PCDHA8: variants seen among roughly 807,000 people sequenced by gnomAD.
PCDHA8 encodes protocadherin alpha 8.
PCDHA8 carries 53 observed loss-of-function variants against 61.8 expected under a neutral mutation model. The observed-to-expected ratio is 0.86, with a 90% CI of 0.69 to 1.08. PCDHA8 has a LOEUF of 1.08. Among genes scored for constraint, PCDHA8 ranks in the 50% least tolerant of loss-of-function variants. The pLI, the probability that PCDHA8 is intolerant of heterozygous loss-of-function variation, is 0.00. For synonymous variants in PCDHA8, 618 were observed against 556.6 expected (o/e 1.11, Z -1.55); for missense variants, 1,293 against 1,245.0 (o/e 1.04, Z -0.58).
intron 1 of PCDHA8, among the ~76,000 whole-genome samples, chr5:140,964,622 T>A (rs1435749865): frequency 6.6e-6 from 1 of 152,048 alleles, no homozygotes; most frequent in African/African-American, 2.4e-5. Flanking sequence ...ATTCCACTTA[T>A]AAGCCATTTA....
intron 1 of PCDHA8, chr5:140,884,177 C>G (rs1405519238): frequency 1.9e-6 from 3 of 1,613,322 alleles, no homozygotes; most frequent in South Asian, 1.1e-5. Flanking sequence ...GACGCGCCCT[C>G]TGGACGAGGT....
intron 1 of PCDHA8, chr5:140,850,196 A>T: frequency 6.3e-7 from 1 of 1,592,830 alleles, no homozygotes; most frequent in Non-Finnish European, 8.6e-7. Flanking sequence ...CGCTGCTGAC[A>T]CCTCGGATGA....
At chr5:141,004,976 A>G (rs1554259837) in intron 3 of PCDHA8, among the ~76,000 whole-genome samples, 1 of 152,248 alleles carries the variant, frequency 6.6e-6, no homozygotes, top group Non-Finnish European at 1.5e-5. Flanking sequence ...GTAAATTTGC[A>G]GTATCATTAT....
chr5:140,926,783 C>G lies in PCDHA8; in HGVS notation c.2395-52166C>G, dbSNP rs1230665699. 5.0e-6 allele frequency: 7 copies of G among 1,410,188 alleles called. No homozygotes were observed. The African/African-American group carries it at 7.3e-5, about 15-fold the overall frequency. The allele number at this position is 1,410,188 out of a possible 1,614,324, so 87.4% of individuals were successfully genotyped here. On this transcript the variant is annotated intron_variant, in intron 1 of 3. Transcript: ENST00000531613. The stretch of plus-strand genomic sequence containing the variant: ...GTATCCAGCCCGCAGCAGTGACGGC[C>G]GGCAGGAGCGTGCTCTTCCCCGCGG...
intron 1 of PCDHA8, chr5:140,852,044 T>C (rs1581270101): frequency 2.2e-6 from 2 of 922,218 alleles, no homozygotes; most frequent in South Asian, 5.0e-5. Context: ...GTTTTTGTTA[T>C]GTGGTTTATA....
chr5:140,843,914 A>C, intron 1 of PCDHA8, 199 bp downstream of exon 1: 1 of 621,414 alleles, frequency 1.6e-6, no homozygotes, highest in Non-Finnish European at 2.8e-6. Flanking sequence ...AGTTGGGTCT[A>C]TCTTGAAACT....
At chr5:140,979,820 T>A (rs937223402) in intron 2 of PCDHA8, among the ~76,000 whole-genome samples, 19 of 152,198 alleles carry the variant, frequency 1.2e-4, no homozygotes, top group African/African-American at 4.6e-4. Context: ...AGGATTTAAT[T>A]TTAAAGAAGA....
At chr5:140,887,029 T>C (rs1308343052) in intron 1 of PCDHA8, among the ~76,000 whole-genome samples, 1 of 152,140 alleles carries the variant, frequency 6.6e-6, no homozygotes, top group Non-Finnish European at 1.5e-5. Flanking sequence ...AAAAATTTCT[T>C]TAATATTTTT....
chr5:140,926,141 A>T (rs2082938262), intron 1 of PCDHA8, among the ~76,000 whole-genome samples: 1 of 152,038 alleles, frequency 6.6e-6, no homozygotes, highest in Non-Finnish European at 1.5e-5. Context: ...AGCAGGATCC[A>T]GCGCGGAAAG....
chr5:140,952,743 C>T lies in PCDHA8; in HGVS notation c.2395-26206C>T, dbSNP rs146786879. Reference sequence around the variant, plus strand: ...TCTGTACTAGTCTTTTCTCACACTGCTATAAAAACACCTGAGACTGGATAA... The same window carrying T: ...TCTGTACTAGTCTTTTCTCACACTGTTATAAAAACACCTGAGACTGGATAA... On this transcript the variant is annotated intron_variant, in intron 1 of 3. Coordinates refer to ENST00000531613, the MANE Select transcript of PCDHA8 (RefSeq NM_018911.3). 8.6e-3 allele frequency among the ~76,000 whole-genome samples: 1,316 copies of T among 152,264 alleles called. 10 individuals are homozygous for T. Among genetic ancestry groups the T allele is most frequent in the Middle Eastern group, 0.014 (4 of 294 alleles).
intron 1 of PCDHA8, chr5:140,866,569 A>G (rs1366987361): frequency 6.6e-6 from 1 of 152,162 alleles, no homozygotes; most frequent in Non-Finnish European, 1.5e-5. Flanking sequence ...TTTTGTTAAT[A>G]CAGTGGTTGG....
intron 1 of PCDHA8, chr5:140,860,501 CA>C (rs2046424429): frequency 6.6e-6 from 1 of 151,970 alleles, no homozygotes; most frequent in Non-Finnish European, 1.5e-5. Context: ...TGTCTACATA[CA>C]AGATAAAACT....
At chr5:140,970,331 T>C (rs1442466340) in intron 1 of PCDHA8, among the ~76,000 whole-genome samples, 1 of 152,210 alleles carries the variant, frequency 6.6e-6, no homozygotes, top group African/African-American at 2.4e-5. Context: ...TTCCAAAGCA[T>C]GCATTCATTT....
At chr5:140,956,020 T>C (rs2095249402) in intron 1 of PCDHA8, among the ~76,000 whole-genome samples, 1 of 152,240 alleles carries the variant, frequency 6.6e-6, no homozygotes, top group Non-Finnish European at 1.5e-5. Context: ...TTTGCTGAAG[T>C]TGCTTATCAG....
In PCDHA8 at chr5:140,876,678, G is replaced by C. The variant is rs782561315; in HGVS notation, c.2394+32963G>C. ...CCTTCAAGCTGGTGTCCACCTACAA[G>C]AATTACTACTCGTTGGTGCTGGACA... On this transcript the variant is annotated intron_variant, in intron 1 of 3. Coordinates refer to ENST00000531613, the MANE Select transcript of PCDHA8 (RefSeq NM_018911.3). The C allele has an allele frequency of 1.9e-6, 3 of 1,614,100 alleles. No individual in the cohort carries two copies. In the East Asian group the frequency reaches 6.7e-5, roughly 36 times the overall value.
At chr5:140,935,245 T>A (rs1409133658) in intron 1 of PCDHA8, among the ~76,000 whole-genome samples, 1 of 152,200 alleles carries the variant, frequency 6.6e-6, no homozygotes, top group Non-Finnish European at 1.5e-5. Flanking sequence ...TTTTAAAAGA[T>A]AAAATACATC....
At chr5:140,955,293 T>A (rs2095165956) in intron 1 of PCDHA8, among the ~76,000 whole-genome samples, 1 of 152,182 alleles carries the variant, frequency 6.6e-6, no homozygotes, top group Non-Finnish European at 1.5e-5. Flanking sequence ...ATGGTTTGGC[T>A]GTGTCCCCAC....
chr5:141,009,627 A>G lies in PCDHA8; in HGVS notation c.2543A>G (p.Glu848Gly), dbSNP rs782179145. 6.2e-7 allele frequency: 1 copy of G among 1,612,842 alleles called. No individual in the cohort carries two copies. The highest frequency in any genetic ancestry group is 1.1e-5 in the South Asian group (1 of 90,980). The change falls in exon 4 of 4, where the codon GAA becomes GGA. Residue 848 changes from glutamate (E) to glycine (G), a missense_variant and splice_region_variant. By Grantham distance (98) the Glu-to-Gly change is moderately conservative (BLOSUM62 -2). Coordinates refer to ENST00000531613, the MANE Select transcript of PCDHA8 (RefSeq NM_018911.3). Reference protein sequence around the residue: ...QWPTVSSATPEPEAGEVSPPV... With the variant: ...QWPTVSSATPGPEAGEVSPPV... ...TGATTTGTAATGTTTTGTCTTTCAGAACCAGAGGCAGGAGAAGTGTCCCCT... is the reference window on the plus strand; with the variant it reads ...TGATTTGTAATGTTTTGTCTTTCAGGACCAGAGGCAGGAGAAGTGTCCCCT...
At chr5:140,882,180 AG>A (rs2058993159) in intron 1 of PCDHA8, 1 of 1,518,026 alleles carries the variant, frequency 6.6e-7, no homozygotes. Flanking sequence ...CTTCCGCACT[AG>A]GAAGCCATAA....
Sources: gnomAD v4.1 joint callset for allele counts (sites outside exome capture counted in the v4.1 genomes callset) on GRCh38, gnomAD v4.1.1 for gene constraint, MANE v1.5 for transcripts, NCBI Gene and HGNC (gene_info 2026-07-23, HGNC 2026-07-21) for gene names.